LMF2: variants seen among roughly 807,000 people sequenced by gnomAD.
LMF2 encodes transmembrane protein 112B.
LMF2 carries 113 observed loss-of-function variants against 81.5 expected under a neutral mutation model. The ratio of observed to expected loss-of-function variants is 1.39; its 90% CI spans 1.19 to 1.62. The LOEUF (loss-of-function observed/expected upper bound fraction) is 1.62, where lower values mean the gene tolerates loss of function less well. Ranked by LOEUF, LMF2 falls within the 40% of genes most tolerant of loss-of-function variation. LMF2 has a pLI of 0.00. For synonymous variants in LMF2, 645 were observed against 424.5 expected (o/e 1.52, Z -6.39); for missense variants, 1,235 against 929.1 (o/e 1.33, Z -4.28).
In LMF2 at chr22:50,505,801, GAC is replaced by G; in HGVS notation, c.787_788del (p.Val263ProfsTer31). Reference protein sequence around the residue: ...AAFYSQVLLQVLIIITGNYNF... With the variant: ...AAFYSQVLLQXLIIITGNYNF... Reference sequence around the variant, plus strand: ...TGTAGTTGCCGGTGATGATAATCAGGACCTGCAGCAGCACCTGGGGGCGGCCC... The same window carrying G: ...TGTAGTTGCCGGTGATGATAATCAGGCTGCAGCAGCACCTGGGGGCGGCCC... On this transcript the variant is annotated frameshift_variant, in exon 6 of 14. Coordinates refer to ENST00000474879, the MANE Select transcript of LMF2 (RefSeq NM_033200.3). LOFTEE classifies it high-confidence loss of function. 1 of 1,613,072 alleles carries G rather than the reference GAC, an allele frequency of 6.2e-7. No individual in the cohort carries two copies. The highest frequency in any genetic ancestry group is 8.5e-7 in the Non-Finnish European group (1 of 1,179,914).
chr22:50,506,051 G>A lies in LMF2; in HGVS notation c.758C>T (p.Ala253Val), dbSNP rs200028742. ...CTCACCCACCTGCGAGTAGAAAGCA[G>A]CCAAGCGCAGGCGTCGAATGGGGGC... ...FFAPIRRLRL[A>V]AFYSQVLLQV... The change falls in exon 5 of 14, where the codon GCT becomes GTT. Residue 253 changes from alanine to valine, a missense_variant. By Grantham distance (64) the Ala-to-Val change is moderately conservative. Coordinates refer to ENST00000474879, the MANE Select transcript of LMF2 (RefSeq NM_033200.3). 765 of 1,588,510 alleles carry A rather than the reference G, an allele frequency of 4.8e-4. 1 individual carries two copies. The highest frequency in any genetic ancestry group is 6.1e-4 in the Non-Finnish European group (718 of 1,167,618).
Position 50,506,422 on chromosome 22 carries a change from G to T in LMF2, c.458C>A (p.Pro153His), listed in dbSNP as rs2068571919. 2 of 1,550,470 alleles carry T rather than the reference G, an allele frequency of 1.3e-6. No individual in the cohort carries two copies. The highest frequency in any genetic ancestry group is 2.7e-5 in the African/African-American group (2 of 73,290). Residue 153 changes from proline (P) to histidine (H), a missense_variant, in exon 4 of 14, where the codon CCC becomes CAC. Transcript: ENST00000474879. ...LRPASHRKEAPQGRQAGALPH... is the reference protein window; with the variant it reads ...LRPASHRKEAHQGRQAGALPH... ...CAGGGCCCCTGCCTGCCTGCCCTGGGGGGCCTCCTTGCGGTGGGAGGCTGG... is the reference window on the plus strand; with the variant it reads ...CAGGGCCCCTGCCTGCCTGCCCTGGTGGGCCTCCTTGCGGTGGGAGGCTGG...
intron 5 of LMF2, 53 bp downstream of exon 5, chr22:50,505,982 G>A (rs1413716847): frequency 5.1e-6 from 8 of 1,560,590 alleles, no homozygotes; most frequent in South Asian, 2.3e-5. Flanking sequence ...GCTGAGCAGC[G>A]CTGAAGGCCG....
chr22:50,504,653 C>T lies in LMF2; in HGVS notation c.1512G>A (p.Leu504=), dbSNP rs778421421. 5.6e-6 allele frequency: 9 copies of T among 1,608,946 alleles called. No individual in the cohort carries two copies. The highest frequency in any genetic ancestry group is 2.2e-5 in the South Asian group (2 of 91,022). Residue 504 remains leucine (L), a synonymous_variant, in exon 11 of 14, where the codon CTG becomes CTA. Coordinates refer to ENST00000474879, the MANE Select transcript of LMF2 (RefSeq NM_033200.3). The stretch of plus-strand genomic sequence containing the variant: ...GGGCTGCAAACCACATCTGCCAGTC[C>T]AGGCGTGGCTGGTGGGGCACCACAA... ...PPVVVPHQPR[L]DWQMWFAALG...
rs756470526 is a variant in LMF2 at position 50,504,431 on chromosome 22, G to A, written c.1627C>T (p.Gln543Ter). 1.1e-5 allele frequency: 18 copies of A among 1,611,922 alleles called. No homozygotes were observed. The highest frequency in any genetic ancestry group is 4.5e-5 in the East Asian group (2 of 44,830). ...KEPVIRLVQS[Q>*]VARYPFHKQP... ...TTGTGGAAGGGATACCTGGCCACTT[G>A]GCTCTGGACAAGGCGGATCACTGCA... The change falls in exon 12 of 14, where the codon CAA becomes TAA. Residue 543 changes from glutamine (Q) to a stop codon, truncating the protein, a stop_gained. Transcript: ENST00000474879. LOFTEE classifies it high-confidence loss of function.
At position 50,506,784 on chromosome 22, in the gene LMF2, G is replaced by A. The variant is rs773636715; in HGVS notation, c.346C>T (p.Gln116Ter). 3 of 1,612,870 alleles carry A rather than the reference G, an allele frequency of 1.9e-6. No homozygotes were observed. The highest frequency in any genetic ancestry group is 1.1e-5 in the South Asian group (1 of 91,024). ...AGCTGGTCACAGGTCCCACTTGCCT[G>A]GCAGGCTGACAGGTAGGCGGCCCAA... ...LLWAAYLSAC[Q>*]VGQVFLYFQW... is the part of the protein sequence containing the mutation. The change falls in exon 2 of 14, where the codon CAG becomes TAG. Residue 116 changes from glutamine (Q) to a stop codon, truncating the protein, a stop_gained and splice_region_variant. Transcript: ENST00000474879. LOFTEE classifies it high-confidence loss of function.
intron 1 of LMF2, 36 bp from the exon 2 acceptor site, chr22:50,507,071 G>C: frequency 6.4e-7 from 1 of 1,558,316 alleles, no homozygotes; most frequent in Admixed American, 1.8e-5. Context: ...GCCCTGGACA[G>C]CCCTTGCAGA....
At position 50,507,276 on chromosome 22, in the gene LMF2, G is replaced by A. The variant is rs899595280; in HGVS notation, c.95-241C>T. On this transcript the variant is annotated intron_variant, in intron 1 of 13. Transcript: ENST00000474879. ...GGCCTCCCACCCAGCAGAGCCCACT[G>A]CCCTCTTCCAGGTCTCAGCCCGATC... The A allele has an allele frequency of 5.5e-5, 35 of 641,194 alleles. No individual in the cohort carries two copies. In the South Asian group the frequency reaches 6.9e-4, roughly 13 times the overall value. The allele number at this position is 641,194 out of a possible 1,614,324, so 39.7% of individuals were successfully genotyped here.
At position 50,504,544 on chromosome 22, in the gene LMF2, A is replaced by G. The variant is rs1421342901; in HGVS notation, c.1606+15T>C. ...CACCCCAGCCCACTCCACACCCCCC[A>G]AGCCCGCTCCGCACCTGGCTCCTTG... On this transcript the variant is annotated intron_variant, in intron 11 of 13. Transcript: ENST00000474879. 1.7e-6 allele frequency: 2 copies of G among 1,170,342 alleles called. No homozygotes were observed. The highest frequency in any genetic ancestry group is 2.8e-5 in the African/African-American group (1 of 36,248). 72.5% of individuals were successfully genotyped at this position (1,170,342 alleles called of 1,614,324 possible).
In LMF2 at chr22:50,505,218, G is replaced by C; in HGVS notation, c.1157+11C>G. The stretch of plus-strand genomic sequence containing the variant: ...CACCTGTGCCCCCTCCCTGCTTCCT[G>C]GGCCATGTACCTCCACAGGGCACTC... On this transcript the variant is annotated intron_variant, in intron 8 of 13. Coordinates refer to ENST00000474879, the MANE Select transcript of LMF2 (RefSeq NM_033200.3). 2 of 1,612,960 alleles carry C rather than the reference G, an allele frequency of 1.2e-6. No individual in the cohort carries two copies. Among genetic ancestry groups the C allele is most frequent in the East Asian group, 2.2e-5 (1 of 44,888 alleles).
Position 50,504,328 on chromosome 22 carries a change from G to A in LMF2, c.1718+12C>T, listed in dbSNP as rs767223957. 5.6e-6 allele frequency: 9 copies of A among 1,600,392 alleles called. No homozygotes were observed. The highest frequency in any genetic ancestry group is 5.5e-5 in the South Asian group (5 of 90,512). ...CCCCGGGCTCCACACCCCACCCGGTGCCCAGCCTTACCCCTGCTCCCCAGG... is the reference window on the plus strand; with the variant it reads ...CCCCGGGCTCCACACCCCACCCGGTACCCAGCCTTACCCCTGCTCCCCAGG... On this transcript the variant is annotated intron_variant, in intron 12 of 13. Coordinates refer to ENST00000474879, the MANE Select transcript of LMF2 (RefSeq NM_033200.3).
At position 50,506,071 on chromosome 22, in the gene LMF2, G is replaced by A. The variant is rs367993003; in HGVS notation, c.738C>T (p.Pro246=). 117 of 1,592,062 alleles carry A rather than the reference G, an allele frequency of 7.3e-5. No homozygotes were observed. Among genetic ancestry groups the A allele is most frequent in the African/African-American group, 1.1e-4 (8 of 74,684 alleles). Residue 246 remains proline, a synonymous_variant, in exon 5 of 14, where the codon CCC becomes CCT. Transcript: ENST00000474879. The part of the protein sequence containing the change: ...EIAVPPLFFA[P]IRRLRLAAFY... ...AAGCAGCCAAGCGCAGGCGTCGAAT[G>A]GGGGCGAAGAACAGGGGCGGCACAG...
Position 50,504,716 on chromosome 22 carries a change from G to C in LMF2, c.1449C>G (p.Phe483Leu). 4 of 1,609,800 alleles carry C rather than the reference G, an allele frequency of 2.5e-6. No individual in the cohort carries two copies. Among genetic ancestry groups the C allele is most frequent in the Non-Finnish European group, 3.4e-6 (4 of 1,179,282 alleles). The change falls in exon 11 of 14, where the codon TTC (phenylalanine) becomes TTG (leucine). Residue 483 changes from phenylalanine (F) to leucine (L), a missense_variant. Coordinates refer to ENST00000474879, the MANE Select transcript of LMF2 (RefSeq NM_033200.3). ...GGCTCAGGTTCCCAGGCTTGTACATGAACTCGATCTCCTGCCAGGCAGGCC... is the reference window on the plus strand; with the variant it reads ...GGCTCAGGTTCCCAGGCTTGTACATCAACTCGATCTCCTGCCAGGCAGGCC... ...YDGHHWTEIE[F>L]MYKPGNLSRP...
At position 50,505,440 on chromosome 22, in the gene LMF2, C is replaced by T. The variant is rs780731413; in HGVS notation, c.1014G>A (p.Glu338=). 45 of 1,612,976 alleles carry T rather than the reference C, an allele frequency of 2.8e-5. No individual in the cohort carries two copies. The highest frequency in any genetic ancestry group is 3.5e-5 in the Non-Finnish European group (41 of 1,180,036). ...AYGTVHYFGL[E]VDWQQRTIHS... is the part of the protein sequence containing the mutation. ...GGATGGTGCGCTGCTGCCAGTCAAC[C>T]TCCAGGCCAAAGTAGTGCACAGTGC... The change falls in exon 7 of 14, where the codon GAG becomes GAA. Residue 338 remains glutamate (E), a synonymous_variant. Coordinates refer to ENST00000474879, the MANE Select transcript of LMF2 (RefSeq NM_033200.3).
rs776447644 is a variant in LMF2, at chr22:50,504,902, A to G, written c.1337T>C (p.Leu446Pro). 3 of 1,609,458 alleles carry G rather than the reference A, an allele frequency of 1.9e-6. No homozygotes were observed. Among genetic ancestry groups the G allele is most frequent in the Non-Finnish European group, 2.5e-6 (3 of 1,178,296 alleles). The change falls in exon 10 of 14, where the codon CTA (leucine) becomes CCA (proline). Residue 446 changes from leucine to proline, a missense_variant. Transcript: ENST00000474879. ...AHRLFGAVEH[L>P]QLANSYGLFR... ...GAGGCCGTAGGAGTTGGCCAGCTGT[A>G]GGTGCTCCACGGCACCAAACAGGCG...
At chr22:50,507,431 C>T (rs2068621490) in intron 1 of LMF2, 151 bp downstream of exon 1, 4 of 694,090 alleles carry the variant, frequency 5.8e-6, no homozygotes, top group Non-Finnish European at 1.0e-5. Context: ...ACCCCCACAG[C>T]GGCCTGCAGG....
In LMF2 at chr22:50,506,230, G is replaced by C; in HGVS notation, c.596-17C>G. 1.9e-6 allele frequency: 3 copies of C among 1,550,412 alleles called. No homozygotes were observed. The highest frequency in any genetic ancestry group is 1.7e-6 in the Non-Finnish European group (2 of 1,146,778). On this transcript the variant is annotated splice_polypyrimidine_tract_variant and intron_variant, in intron 4 of 13. Coordinates refer to ENST00000474879, the MANE Select transcript of LMF2 (RefSeq NM_033200.3). ...AGGTGAGGGCTGCAGGCGAGGGCAG[G>C]AGTCAGGGCTGGCCGAGCCCCCAGA...
In LMF2 at chr22:50,504,693, C is replaced by T. The variant is rs775573025; in HGVS notation, c.1472G>A (p.Ser491Asn). 2 of 1,609,868 alleles carry T rather than the reference C, an allele frequency of 1.2e-6. No homozygotes were observed. The highest frequency in any genetic ancestry group is 2.2e-5 in the South Asian group (2 of 91,054). ...IEFMYKPGNL[S>N]RPPPVVVPHQ... ...GGGCACCACAACCGGGGGCGGCCGG[C>T]TCAGGTTCCCAGGCTTGTACATGAA... Residue 491 changes from serine to asparagine, a missense_variant, in exon 11 of 14, where the codon AGC (serine) becomes AAC (asparagine). Ser to Asn is a conservative substitution (Grantham distance 46, BLOSUM62 1). Transcript: ENST00000474879.
At chr22:50,505,994 G>A (rs758216359) in intron 5 of LMF2, 41 bp downstream of exon 5, 7 of 1,565,020 alleles carry the variant, frequency 4.5e-6, no homozygotes, top group South Asian at 1.2e-5. Context: ...TGAAGGCCGA[G>A]CCCTGTCTGC....
Sources: gnomAD v4.1 joint callset for allele counts on GRCh38, gnomAD v4.1.1 for gene constraint, MANE v1.5 for transcripts, NCBI Gene and HGNC (gene_info 2026-07-23, HGNC 2026-07-21) for gene names.